The following SMOC1 variants were observed in gnomAD, a reference collection of about 807,000 sequenced individuals.
SMOC1 encodes SPARC-related modular calcium-binding protein 1.
In SMOC1, 22 loss-of-function variants were observed where a neutral mutation model predicts 56.3. The ratio of observed to expected loss-of-function variants is 0.39; its 90% confidence interval spans 0.28 to 0.56. The LOEUF (loss-of-function observed/expected upper bound fraction) is 0.56, where lower values mean the gene tolerates loss of function less well. Ranked by LOEUF, SMOC1 falls within the 20% of genes least tolerant of loss-of-function variation. The probability of loss-of-function intolerance (pLI) is 0.61; values close to 1 mark genes in which losing one functional copy is unlikely to be tolerated. For missense variants in SMOC1, 509 were observed against 565.4 expected (o/e 0.90, Z 1.01); for synonymous variants, 193 against 215.0 (o/e 0.90, Z 0.89).
At chr14:69,907,119 A>T (rs1884429445) in intron 1 of SMOC1, among the ~76,000 whole-genome samples, 1 of 152,140 alleles carries the variant, frequency 6.6e-6, no homozygotes, top group Admixed American at 6.5e-5. Context: ...TGGGTGGTGG[A>T]GGAGACAATT....
At position 69,992,308 on chromosome 14, in the gene SMOC1, C is replaced by A. The variant is rs1594843174; in HGVS notation, c.527-109C>A. The A allele has an allele frequency of 1.0e-5, 10 of 1,000,924 alleles. No individual in the cohort carries two copies. The East Asian group carries it at 2.5e-4, about 25-fold the overall frequency. The allele number at this position is 1,000,924 out of a possible 1,614,324, so 62.0% of individuals were successfully genotyped here. On this transcript the variant is annotated intron_variant, in intron 5 of 11. Coordinates refer to ENST00000361956, the MANE Select transcript of SMOC1 (RefSeq NM_001034852.3). ...TTTTTCTTTGTTCTCTTCACTGGGA[C>A]TTGGCCGGGCCTTGTACAAACCCCA...
intron 1 of SMOC1, among the ~76,000 whole-genome samples, chr14:69,940,203 C>T (rs1378067916): frequency 6.6e-6 from 1 of 152,188 alleles, no homozygotes; most frequent in Non-Finnish European, 1.5e-5. Flanking sequence ...AGACCAACCC[C>T]AGCCATCTTC....
intron 1 of SMOC1, among the ~76,000 whole-genome samples, chr14:69,910,340 A>G (rs1027480277): frequency 1.3e-5 from 2 of 152,198 alleles, no homozygotes; most frequent in Non-Finnish European, 2.9e-5. Context: ...GTGCTTTCCA[A>G]TGTACCATGC....
intron 1 of SMOC1, among the ~76,000 whole-genome samples, chr14:69,929,509 C>G (rs548479989): frequency 6.6e-6 from 1 of 152,178 alleles, no homozygotes; most frequent in African/African-American, 2.4e-5. Flanking sequence ...TGATTCTAAA[C>G]GCCATACTCT....
intron 11 of SMOC1, among the ~76,000 whole-genome samples, chr14:70,029,898 T>C (rs983226520): frequency 1.3e-5 from 2 of 152,188 alleles, no homozygotes; most frequent in Non-Finnish European, 2.9e-5. Context: ...CAGCCCCAGG[T>C]TGAAAAGCTG....
chr14:69,932,744 G>A (rs1002469962), intron 1 of SMOC1, among the ~76,000 whole-genome samples: 24 of 152,268 alleles, frequency 1.6e-4, no homozygotes, highest in Admixed American at 1.4e-3. Flanking sequence ...AGGGCAGTGC[G>A]GCTTTTTCCT....
intron 1 of SMOC1, among the ~76,000 whole-genome samples, chr14:69,951,688 A>G (rs746215364): frequency 3.9e-5 from 6 of 152,226 alleles, no homozygotes; most frequent in Admixed American, 2.0e-4. Context: ...TAGAGGCTGC[A>G]TGGCCATCTG....
At chr14:69,995,010 A>G (rs1884716400) in intron 7 of SMOC1, among the ~76,000 whole-genome samples, 1 of 152,218 alleles carries the variant, frequency 6.6e-6, no homozygotes, top group Non-Finnish European at 1.5e-5. Flanking sequence ...AACAATAAAG[A>G]CCAGAGTCAG....
Position 69,879,504 on chromosome 14 carries a change from C to T in SMOC1, c.-175C>T. ...CGCTCGCGCTCCAGCTCCCCTCCTG[C>T]GCGGTTCATGACTGTGTCCCCTGAC... is the stretch of plus-strand genomic sequence containing the variant. On this transcript the variant is annotated 5_prime_UTR_variant, in exon 1 of 12. Coordinates refer to ENST00000361956, the MANE Select transcript of SMOC1 (RefSeq NM_001034852.3). The T allele has an allele frequency of 2.3e-6, 1 of 443,564 alleles. No homozygotes were observed. The highest frequency in any genetic ancestry group is 3.8e-6 in the Non-Finnish European group (1 of 260,768). The allele number at this position is 443,564 out of a possible 1,614,324, so 27.5% of individuals were successfully genotyped here. A position where few individuals can be genotyped will look rare whatever the true frequency, so the allele number is the denominator to read the frequency against.
chr14:69,981,003 T>A (rs1238332185), intron 5 of SMOC1, among the ~76,000 whole-genome samples: 1 of 152,134 alleles, frequency 6.6e-6, no homozygotes, highest in African/African-American at 2.4e-5. Flanking sequence ...AGATGTATTG[T>A]GTGACCACGG....
intron 1 of SMOC1, among the ~76,000 whole-genome samples, chr14:69,938,956 G>A (rs938034344): frequency 1.3e-5 from 2 of 152,178 alleles, no homozygotes; most frequent in African/African-American, 2.4e-5. Flanking sequence ...GTGTGAGGGT[G>A]TGTGCACGCA....
At chr14:69,956,379 T>C (rs1043959354) in intron 3 of SMOC1, among the ~76,000 whole-genome samples, 1 of 151,976 alleles carries the variant, frequency 6.6e-6, no homozygotes, top group South Asian at 2.1e-4. Context: ...TTCAGTCACA[T>C]TGACTGGCTG....
intron 1 of SMOC1, among the ~76,000 whole-genome samples, chr14:69,890,809 A>G (rs778525552): frequency 6.6e-6 from 1 of 152,206 alleles, no homozygotes; most frequent in Non-Finnish European, 1.5e-5. Context: ...AAATTAGTAT[A>G]ACTTTGTACA....
chr14:69,904,487 C>A (rs1884354587), intron 1 of SMOC1, among the ~76,000 whole-genome samples: 1 of 152,234 alleles, frequency 6.6e-6, no homozygotes, highest in Non-Finnish European at 1.5e-5. Flanking sequence ...TTCAACAGAT[C>A]CTTCTCTACT....
intron 3 of SMOC1, among the ~76,000 whole-genome samples, chr14:69,960,642 G>A (rs1369562932): frequency 6.6e-6 from 1 of 152,160 alleles, no homozygotes; most frequent in Non-Finnish European, 1.5e-5. Flanking sequence ...AACATCTACT[G>A]TGTCCAGAGC....
chr14:69,956,182 C>G (rs1566687697), intron 3 of SMOC1, among the ~76,000 whole-genome samples: 1 of 152,136 alleles, frequency 6.6e-6, no homozygotes, highest in South Asian at 2.1e-4. Context: ...CAAGAACCCC[C>G]TCATTTGTTT....
chr14:69,928,914 G>T (rs1166173012), intron 1 of SMOC1, among the ~76,000 whole-genome samples: 1 of 152,148 alleles, frequency 6.6e-6, no homozygotes, highest in Non-Finnish European at 1.5e-5. Flanking sequence ...CTCTTAGGTG[G>T]TGTTGATGCT....
At position 69,977,977 on chromosome 14, in the gene SMOC1, T is replaced by C. The variant is rs375236218; in HGVS notation, c.526+12T>C. ...CTCAGGAAGGAAAGGTGAGTGGAGT[T>C]TTATGCTTTATCTAAATGTTTGCTT... On this transcript the variant is annotated intron_variant, in intron 5 of 11. Transcript: ENST00000361956. 1.8e-5 allele frequency: 29 copies of C among 1,610,318 alleles called. No individual in the cohort carries two copies. Among genetic ancestry groups the C allele is most frequent in the Non-Finnish European group, 2.4e-5 (28 of 1,176,744 alleles).
chr14:70,018,845 G>A (rs1266375836), intron 10 of SMOC1, among the ~76,000 whole-genome samples: 2 of 152,236 alleles, frequency 1.3e-5, no homozygotes, highest in Non-Finnish European at 2.9e-5. Flanking sequence ...GCAAGGAAGA[G>A]GCTGGAATGT....
Sources: allele counts gnomAD v4.1 joint callset (sites outside exome capture counted in the v4.1 genomes callset), GRCh38; gene constraint gnomAD v4.1.1; transcripts MANE v1.5; gene names NCBI Gene and HGNC (gene_info 2026-07-23, HGNC 2026-07-21).